The following SLC5A10 variants were observed in gnomAD, a reference collection of about 807,000 sequenced individuals.
SLC5A10 encodes sodium/mannose cotransporter SLC5A10.
In SLC5A10, 55 loss-of-function variants were observed where a neutral mutation model predicts 68.9. The observed-to-expected ratio is 0.80, with a 90% CI of 0.64 to 1.00. The LOEUF (loss-of-function observed/expected upper bound fraction) is 1.00. Ranked by LOEUF, SLC5A10 falls within the 50% of genes least tolerant of loss-of-function variation. SLC5A10 has a pLI of 0.00. For synonymous variants in SLC5A10, 344 were observed against 344.8 expected, an observed-to-expected ratio of 1.00 and a Z score of 0.02; for missense variants, 732 against 819.3, an observed-to-expected ratio of 0.89 and a Z score of 1.30.
chr17:18,960,468 A>G, intron 4 of SLC5A10, 80 bp from the exon 5 acceptor site: 2 of 1,223,530 alleles, frequency 1.6e-6, no homozygotes, highest in South Asian at 1.3e-5. Flanking sequence ...GGGGAGAGGC[A>G]GAGTGATTGA....
At chr17:18,976,533 C>T (rs920308681) in intron 8 of SLC5A10, 14 of 341,750 alleles carry the variant, frequency 4.1e-5, no homozygotes, top group Non-Finnish European at 6.5e-5. Context: ...CCCATACCAC[C>T]CCACCCAGGG....
intron 9 of SLC5A10, among the ~76,000 whole-genome samples, chr17:19,008,493 C>A (rs1423953734): frequency 6.7e-6 from 1 of 149,330 alleles, no homozygotes; most frequent in Non-Finnish European, 1.5e-5. Context: ...GAGGAGACAG[C>A]CTCACAGATT....
At chr17:18,959,571 A>G in intron 3 of SLC5A10, 33 bp from the exon 4 acceptor site, 1 of 1,609,736 alleles carries the variant, frequency 6.2e-7, no homozygotes, top group Non-Finnish European at 8.5e-7. Flanking sequence ...TGGGAGCTGC[A>G]CCTGCAGTCC....
chr17:19,009,896 A>G (rs563446367), intron 9 of SLC5A10, among the ~76,000 whole-genome samples: 4 of 152,204 alleles, frequency 2.6e-5, no homozygotes, highest in East Asian at 1.9e-4. Flanking sequence ...AGGAATGAGT[A>G]TAAGTTCCCT....
intron 6 of SLC5A10, 46 bp downstream of exon 6, chr17:18,969,203 G>T (rs755601753): frequency 2.1e-5 from 34 of 1,598,628 alleles, no homozygotes; most frequent in Middle Eastern, 3.3e-4. Context: ...ACGTGTAAAG[G>T]GGTCAGAAGG....
intron 5 of SLC5A10, among the ~76,000 whole-genome samples, chr17:18,964,062 G>C (rs1159886914): frequency 6.6e-6 from 1 of 152,116 alleles, no homozygotes; most frequent in East Asian, 1.9e-4. Context: ...GGATATCCAC[G>C]TGGCTCCCTC....
intron 1 of SLC5A10, 75 bp downstream of exon 1, chr17:18,952,391 A>G (rs1475861913): frequency 1.3e-6 from 2 of 1,522,452 alleles, no homozygotes; most frequent in African/African-American, 1.4e-5. Flanking sequence ...GGGGTCCAGC[A>G]TGTCCCTGTG....
intron 9 of SLC5A10, among the ~76,000 whole-genome samples, chr17:19,007,895 G>A (rs2043929325): frequency 6.7e-6 from 1 of 149,572 alleles, no homozygotes; most frequent in African/African-American, 2.6e-5. Flanking sequence ...GTTTTATTTG[G>A]GAAGAAAAAT....
Position 18,971,361 on chromosome 17 carries a change from AG to A in SLC5A10, c.846+147del, listed in dbSNP as rs749414732. 1.3e-6 allele frequency: 2 copies of A among 1,558,974 alleles called. No homozygotes were observed. Among genetic ancestry groups the A allele is most frequent in the Non-Finnish European group, 1.7e-6 (2 of 1,158,976 alleles). On this transcript the variant is annotated intron_variant, in intron 8 of 14. Transcript: ENST00000395645. This position sits in a 1 kb window ranked among gnomAD's most constrained non-coding sequence, Gnocchi z 5.5. ...TGGCTCCAGGCTGGGACATGCTGCT[AG>A]GGGTCTTTGCGGTCCCGGGGGGCTT... is the stretch of plus-strand genomic sequence containing the variant.
intron 9 of SLC5A10, among the ~76,000 whole-genome samples, chr17:18,981,724 G>C (rs921711245): frequency 1.3e-5 from 2 of 152,318 alleles, no homozygotes; most frequent in Non-Finnish European, 2.9e-5. Flanking sequence ...ATAGGGCCCA[G>C]TGCAGAAGGC....
chr17:19,001,767 GC>G (rs1464589990), intron 9 of SLC5A10, among the ~76,000 whole-genome samples: 1 of 152,168 alleles, frequency 6.6e-6, no homozygotes, highest in Non-Finnish European at 1.5e-5. Flanking sequence ...TGAAGTCCTG[GC>G]CCTGGGAGCC....
intron 9 of SLC5A10, among the ~76,000 whole-genome samples, chr17:18,984,607 G>C (rs1054569875): frequency 6.6e-6 from 1 of 152,218 alleles, no homozygotes; most frequent in Non-Finnish European, 1.5e-5. Context: ...GGGGCTGCTG[G>C]TATTTCCAGT....
chr17:18,969,219 T>C, intron 6 of SLC5A10, 62 bp downstream of exon 6: 2 of 1,580,782 alleles, frequency 1.3e-6, no homozygotes, highest in Non-Finnish European at 1.7e-6. Context: ...GAAGGCCACC[T>C]CCCCCTACAG....
intron 9 of SLC5A10, chr17:18,979,800 G>A (rs2043083263): frequency 9.4e-7 from 1 of 1,064,426 alleles, no homozygotes; most frequent in East Asian, 2.4e-5. Flanking sequence ...GAAAGAGGCT[G>A]TAAGGCCTGG....
At chr17:18,997,316 T>C (rs1023287848) in intron 9 of SLC5A10, among the ~76,000 whole-genome samples, 2 of 152,194 alleles carry the variant, frequency 1.3e-5, no homozygotes, top group Non-Finnish European at 2.9e-5. Context: ...CTGGCAGAGC[T>C]TGGGGAAAGG....
At position 18,960,851 on chromosome 17, in the gene SLC5A10, C is replaced by T. The variant is rs1276432322; in HGVS notation, c.453+199C>T. On this transcript the variant is annotated intron_variant, in intron 5 of 14. Coordinates refer to ENST00000395645, the MANE Select transcript of SLC5A10 (RefSeq NM_001042450.4). ...TAGTCCAGGGCCCCCGGGGTGTAGG[C>T]TCAGCAGCCAGCCCTAGTCAGGGAC... Among the ~76,000 whole-genome samples the T allele has an allele frequency of 2.0e-5, 3 of 152,124 alleles. No homozygotes were observed. The East Asian group carries it at 5.8e-4, about 29-fold the overall frequency.
At chr17:18,983,683 G>A (rs1256176431) in intron 9 of SLC5A10, among the ~76,000 whole-genome samples, 2 of 152,190 alleles carry the variant, frequency 1.3e-5, no homozygotes, top group Non-Finnish European at 2.9e-5. Flanking sequence ...TCCTCTACAG[G>A]GCCTGTCTCG....
intron 7 of SLC5A10, 145 bp from the exon 8 acceptor site, chr17:18,970,868 T>G: frequency 1.4e-6 from 1 of 695,706 alleles, no homozygotes; most frequent in Non-Finnish European, 2.5e-6. Context: ...CCCTCACACC[T>G]TTCCAAACAC....
At chr17:18,980,715 C>T (rs2152012551) in intron 9 of SLC5A10, among the ~76,000 whole-genome samples, 1 of 152,228 alleles carries the variant, frequency 6.6e-6, no homozygotes, top group South Asian at 2.1e-4. Flanking sequence ...TCGAGGATGG[C>T]CAAGGGCATC....
Sources: gnomAD v4.1 joint callset for allele counts (sites outside exome capture counted in the v4.1 genomes callset) on GRCh38, gnomAD v4.1.1 for gene constraint, Gnocchi (gnomAD v3.1) non-coding constraint, MANE v1.5 for transcripts, NCBI Gene and HGNC (gene_info 2026-07-23, HGNC 2026-07-21) for gene names.